PLA2G4A: variants seen among roughly 807,000 people sequenced by gnomAD.
The protein encoded by PLA2G4A is cytosolic phospholipase A2.
A neutral mutation model predicts 81.9 loss-of-function variants in PLA2G4A; 40 were observed. The ratio of observed to expected loss-of-function variants is 0.49; its 90% CI spans 0.38 to 0.64. The LOEUF is 0.64. Ranked by LOEUF, PLA2G4A falls within the 30% of genes least tolerant of loss-of-function variation. The pLI, the probability that PLA2G4A is intolerant of heterozygous loss-of-function variation, is 0.00. For missense variants in PLA2G4A, 715 were observed against 905.1 expected, an observed-to-expected ratio of 0.79 and a Z score of 2.69; for synonymous variants, 302 against 296.9, an observed-to-expected ratio of 1.02 and a Z score of -0.18.
chr1:186,916,222 T>C (rs1454224096), intron 7 of PLA2G4A, among the ~76,000 whole-genome samples: 1 of 152,184 alleles, frequency 6.6e-6, no homozygotes, highest in Non-Finnish European at 1.5e-5. Flanking sequence ...TCTGGCCCTG[T>C]CGATTCCTAA....
intron 3 of PLA2G4A, among the ~76,000 whole-genome samples, chr1:186,880,284 G>A (rs12720519): frequency 0.12 from 17,793 of 151,810 alleles, 1,627 homozygotes; most frequent in East Asian, 0.46. Context: ...AATGGGTAGG[G>A]GTTGCATTTC....
At chr1:186,842,822 G>A (rs74137522) in intron 1 of PLA2G4A, among the ~76,000 whole-genome samples, 5 of 152,230 alleles carry the variant, frequency 3.3e-5, no homozygotes, top group Admixed American at 6.5e-5. Context: ...TAAGCCACTC[G>A]GTCTGTGATA....
chr1:186,913,660 A>G (rs1483907338), intron 7 of PLA2G4A, among the ~76,000 whole-genome samples: 2 of 142,526 alleles, frequency 1.4e-5, no homozygotes, highest in Non-Finnish European at 3.2e-5. Flanking sequence ...ACATAAGTAA[A>G]CATATATGTG....
intron 15 of PLA2G4A, 101 bp downstream of exon 15, chr1:186,965,694 T>A (rs966573688): frequency 2.7e-5 from 23 of 848,138 alleles, no homozygotes; most frequent in Non-Finnish European, 4.3e-5. Context: ...TCCTTTAATG[T>A]ATTTTCTACA....
At chr1:186,877,705 CAAAAAAAAA>C (rs58954006) in intron 3 of PLA2G4A, among the ~76,000 whole-genome samples, 6 of 86,922 alleles carry the variant, frequency 6.9e-5, no homozygotes, top group Non-Finnish European at 6.1e-5. Flanking sequence ...GGCTTACTCA[CAAAAAAAAA>C]AAAAAAAAAA....
chr1:186,933,619 T>C (rs1404819110), intron 8 of PLA2G4A, among the ~76,000 whole-genome samples: 1 of 152,186 alleles, frequency 6.6e-6, no homozygotes, highest in Non-Finnish European at 1.5e-5. Flanking sequence ...TATCATCTTA[T>C]TACTAAAGAT....
chr1:186,853,437 G>A lies in PLA2G4A; in HGVS notation c.-69-849G>A, dbSNP rs189641658. 2.9e-3 allele frequency among the ~76,000 whole-genome samples: 443 copies of A among 151,776 alleles called. 2 individuals are homozygous for A. The highest frequency in any genetic ancestry group is 9.0e-3 in the African/African-American group (375 of 41,448). On this transcript the variant is annotated intron_variant, in intron 1 of 17. Transcript: ENST00000367466. ...GGAATCATTTTTATATTTTTTTAAAGTTGATGTTTAAAAAGAAAGATCACT... is the reference window on the plus strand; with the variant it reads ...GGAATCATTTTTATATTTTTTTAAAATTGATGTTTAAAAAGAAAGATCACT...
chr1:186,966,567 G>C (rs1443885824), intron 15 of PLA2G4A, among the ~76,000 whole-genome samples: 1 of 152,188 alleles, frequency 6.6e-6, no homozygotes, highest in African/African-American at 2.4e-5. Flanking sequence ...AGTGGAGTCA[G>C]GCATGTGGGG....
At chr1:186,924,338 C>T (rs1655468984) in intron 7 of PLA2G4A, among the ~76,000 whole-genome samples, 1 of 152,200 alleles carries the variant, frequency 6.6e-6, no homozygotes, top group South Asian at 2.1e-4. Flanking sequence ...CTTTAGACAC[C>T]AGTGCTAATA....
chr1:186,865,966 C>CA lies in PLA2G4A; in HGVS notation c.34-4466dup, dbSNP rs144858354. ...CTCAAAGTAATCCAAAACCTGAAGG[C>CA]AAAGCTTAATCTTTGTGACTAAGTC... is the stretch of plus-strand genomic sequence containing the variant. On this transcript the variant is annotated intron_variant, in intron 2 of 17. Transcript: ENST00000367466. Among the ~76,000 whole-genome samples the CA allele has an allele frequency of 4.4e-3, 663 of 152,238 alleles. 5 individuals carry two copies. The highest frequency in any genetic ancestry group is 0.014 in the African/African-American group (596 of 41,552).
intron 1 of PLA2G4A, among the ~76,000 whole-genome samples, chr1:186,842,129 G>A (rs568227677): frequency 2.5e-4 from 37 of 147,852 alleles, no homozygotes; most frequent in Non-Finnish European, 3.4e-4. Context: ...TGCAACCTCC[G>A]CCTCCCGGTT....
At chr1:186,848,350 G>A (rs1390376425) in intron 1 of PLA2G4A, among the ~76,000 whole-genome samples, 2 of 152,054 alleles carry the variant, frequency 1.3e-5, no homozygotes, top group African/African-American at 4.8e-5. Context: ...AACTATAAGG[G>A]TTTAAAAACC....
At chr1:186,874,828 G>A (rs1050556149) in intron 3 of PLA2G4A, among the ~76,000 whole-genome samples, 3 of 151,982 alleles carry the variant, frequency 2.0e-5, no homozygotes, top group African/African-American at 7.2e-5. Flanking sequence ...ACTTCTTTAA[G>A]ATTTTCTTAA....
chr1:186,898,555 G>T (rs780407731), intron 5 of PLA2G4A, among the ~76,000 whole-genome samples: 2 of 152,140 alleles, frequency 1.3e-5, no homozygotes, highest in Non-Finnish European at 2.9e-5. Context: ...ATACTGTGAA[G>T]AAAATAAAGG....
At chr1:186,862,598 A>G (rs1476481317) in intron 2 of PLA2G4A, among the ~76,000 whole-genome samples, 1 of 152,178 alleles carries the variant, frequency 6.6e-6, no homozygotes, top group African/African-American at 2.4e-5. Flanking sequence ...TAAAATATCT[A>G]AAATAGTATT....
chr1:186,840,661 A>G lies in PLA2G4A; in HGVS notation c.-70+11626A>G, dbSNP rs7525336. On this transcript the variant is annotated intron_variant, in intron 1 of 17. Transcript: ENST00000367466. ...CCTGAAATAGTCATTGCTTTCATTG[A>G]AAAGCAAAGCAAGCTATAAATGCTG... is the stretch of plus-strand genomic sequence containing the variant. 4.4e-3 allele frequency among the ~76,000 whole-genome samples: 674 copies of G among 152,356 alleles called. 3 individuals are homozygous for G. The highest frequency in any genetic ancestry group is 0.015 in the African/African-American group (644 of 41,574).
chr1:186,919,597 A>G (rs552747094), intron 7 of PLA2G4A, among the ~76,000 whole-genome samples: 1 of 152,228 alleles, frequency 6.6e-6, no homozygotes, highest in South Asian at 2.1e-4. Context: ...ATAGTAGGGG[A>G]GTTCTTGAAC....
chr1:186,831,394 G>A (rs1302148597), intron 1 of PLA2G4A, among the ~76,000 whole-genome samples: 2 of 152,128 alleles, frequency 1.3e-5, no homozygotes, highest in African/African-American at 4.8e-5. Flanking sequence ...CTGCTTGCCT[G>A]AAACCAGGTG....
intron 14 of PLA2G4A, among the ~76,000 whole-genome samples, chr1:186,960,512 T>C (rs540707824): frequency 9.2e-5 from 14 of 152,342 alleles, no homozygotes; most frequent in Non-Finnish European, 2.1e-4. Flanking sequence ...CAATACTCTA[T>C]GACATTTAAT....
Sources: allele counts gnomAD v4.1 joint callset (sites outside exome capture counted in the v4.1 genomes callset), GRCh38; gene constraint gnomAD v4.1.1; transcripts MANE v1.5; gene names NCBI Gene and HGNC (gene_info 2026-07-23, HGNC 2026-07-21).